The following LDB2 variants were observed in gnomAD, a reference collection of about 807,000 sequenced individuals.
The protein encoded by LDB2 is LIM domain binding 2, also known as LIM domain-binding protein 2.
Under a neutral mutation model 44.3 loss-of-function variants are expected in LDB2, and 12 were observed. The ratio of observed to expected loss-of-function variants is 0.27; its 90% CI spans 0.17 to 0.44. The LOEUF is 0.44. LDB2 is among the 20% of genes least tolerant of loss of function. The pLI, the probability that LDB2 is intolerant of heterozygous loss-of-function variation, is 1.00. For missense variants in LDB2, 344 were observed against 473.5 expected, an observed-to-expected ratio of 0.73 and a Z score of 2.54; for synonymous variants, 164 against 174.8, an observed-to-expected ratio of 0.94 and a Z score of 0.49.
chr4:16,588,673 A>G (rs1717859103), intron 4 of LDB2, 37 bp downstream of exon 4: 2 of 1,606,160 alleles, frequency 1.2e-6, no homozygotes, highest in Non-Finnish European at 1.7e-6. Flanking sequence ...GGAGGAAAAA[A>G]AAGAAAAGAA....
intron 1 of LDB2, among the ~76,000 whole-genome samples, chr4:16,860,004 C>T (rs1580290054): frequency 6.6e-6 from 1 of 152,284 alleles, no homozygotes; most frequent in East Asian, 1.9e-4. Flanking sequence ...CCATGCCAGT[C>T]ATGGAGATAG....
chr4:16,768,746 T>C (rs1430695689), intron 1 of LDB2, among the ~76,000 whole-genome samples: 1 of 152,154 alleles, frequency 6.6e-6, no homozygotes, highest in East Asian at 1.9e-4. Context: ...TTAATAATAA[T>C]AGTCAACAGT....
intron 2 of LDB2, among the ~76,000 whole-genome samples, chr4:16,626,476 C>T (rs1389480015): frequency 2.0e-5 from 3 of 152,328 alleles, no homozygotes; most frequent in East Asian, 3.9e-4. Context: ...CATATGTCAA[C>T]AACTTTGAAA....
At chr4:16,529,116 C>T (rs1729246504) in intron 5 of LDB2, among the ~76,000 whole-genome samples, 1 of 152,156 alleles carries the variant, frequency 6.6e-6, no homozygotes, top group Non-Finnish European at 1.5e-5. Flanking sequence ...GCCTTACCCC[C>T]GGCACCATTA....
chr4:16,670,332 C>T (rs1744391782), intron 2 of LDB2, among the ~76,000 whole-genome samples: 1 of 152,182 alleles, frequency 6.6e-6, no homozygotes, highest in African/African-American at 2.4e-5. Context: ...CTTTCTTCTG[C>T]TTCTGAAGAC....
At chr4:16,812,092 T>C (rs1464905744) in intron 1 of LDB2, among the ~76,000 whole-genome samples, 2 of 152,190 alleles carry the variant, frequency 1.3e-5, no homozygotes, top group Non-Finnish European at 2.9e-5. Flanking sequence ...TCCTTTATAA[T>C]TTCTCACTGT....
intron 1 of LDB2, among the ~76,000 whole-genome samples, chr4:16,871,562 T>A (rs909477419): frequency 6.6e-5 from 10 of 152,146 alleles, no homozygotes; most frequent in Non-Finnish European, 1.3e-4. Context: ...TTTCATTGTC[T>A]TCTTAATCAT....
chr4:16,755,663 C>T (rs1766479671), intron 2 of LDB2, among the ~76,000 whole-genome samples: 1 of 152,086 alleles, frequency 6.6e-6, no homozygotes, highest in African/African-American at 2.4e-5. Context: ...TTAGAAAGGA[C>T]CGTTTTTAGC....
chr4:16,570,562 G>A (rs2173848), intron 5 of LDB2, among the ~76,000 whole-genome samples: 7,668 of 140,700 alleles, frequency 0.054, 280 homozygotes, highest in East Asian at 0.22. Flanking sequence ...GTAAACTGAT[G>A]ATTATGTAAG....
intron 2 of LDB2, among the ~76,000 whole-genome samples, chr4:16,688,444 T>C (rs1286148897): frequency 6.6e-6 from 1 of 152,192 alleles, no homozygotes; most frequent in Non-Finnish European, 1.5e-5. Flanking sequence ...CCACTGTCCA[T>C]GCACTGGACA....
chr4:16,503,142 A>T (rs1717974645), intron 7 of LDB2: 1 of 1,534,944 alleles, frequency 6.5e-7, no homozygotes, highest in Admixed American at 2.0e-5. Context: ...CTGCAGAAAT[A>T]AAAAAATGTA....
chr4:16,709,390 G>A (rs1410880258), intron 2 of LDB2, among the ~76,000 whole-genome samples: 1 of 152,100 alleles, frequency 6.6e-6, no homozygotes, highest in Non-Finnish European at 1.5e-5. Flanking sequence ...TATGACCTAA[G>A]GGCCTCACTT....
intron 5 of LDB2, among the ~76,000 whole-genome samples, chr4:16,570,183 G>A (rs1745905686): frequency 6.6e-6 from 1 of 152,000 alleles, no homozygotes; most frequent in African/African-American, 2.4e-5. Context: ...GTTTACATCG[G>A]CTGGACACAG....
chr4:16,513,983 A>G (rs1231807699), intron 5 of LDB2, among the ~76,000 whole-genome samples: 1 of 152,176 alleles, frequency 6.6e-6, no homozygotes, highest in Non-Finnish European at 1.5e-5. Context: ...AGGTCATAAG[A>G]CCCACATTCC....
At chr4:16,757,652 A>G (rs1766951510) in intron 2 of LDB2, among the ~76,000 whole-genome samples, 1 of 152,188 alleles carries the variant, frequency 6.6e-6, no homozygotes, top group South Asian at 2.1e-4. Context: ...GTGGCTCAGG[A>G]TGGATGACTG....
intron 2 of LDB2, among the ~76,000 whole-genome samples, chr4:16,718,466 T>C (rs1244464954): frequency 1.3e-5 from 2 of 152,158 alleles, no homozygotes; most frequent in African/African-American, 4.8e-5. Flanking sequence ...TGATGACTTT[T>C]ACTCTTGCTG....
chr4:16,846,829 C>A lies in LDB2; in HGVS notation c.132+51525G>T, dbSNP rs572682679. On this transcript the variant is annotated intron_variant, in intron 1 of 7. Transcript: ENST00000304523. Reference sequence around the variant, plus strand: ...AGAGCAGGCAAAGAGTGCTTTGTCACAAAAATATATAATTTATTTCAACAA... The same window carrying A: ...AGAGCAGGCAAAGAGTGCTTTGTCAAAAAAATATATAATTTATTTCAACAA... Among the ~76,000 whole-genome samples the A allele has an allele frequency of 6.6e-5, 10 of 152,240 alleles. No homozygotes were observed. In the East Asian group the frequency reaches 1.5e-3, roughly 24 times the overall value.
chr4:16,766,539 T>G (rs1769332558), intron 1 of LDB2, among the ~76,000 whole-genome samples: 1 of 147,344 alleles, frequency 6.8e-6, no homozygotes, highest in Admixed American at 6.8e-5. Flanking sequence ...AGAATCTCGC[T>G]CTGTCACCGA....
At chr4:16,646,691 T>C (rs1039657061) in intron 2 of LDB2, among the ~76,000 whole-genome samples, 3 of 152,208 alleles carry the variant, frequency 2.0e-5, no homozygotes, top group African/African-American at 7.2e-5. Context: ...TTTGTCCTTG[T>C]AGGTACTGAG....
Sources: gnomAD v4.1 joint callset for allele counts (sites outside exome capture counted in the v4.1 genomes callset) on GRCh38, gnomAD v4.1.1 for gene constraint, MANE v1.5 for transcripts, NCBI Gene and HGNC (gene_info 2026-07-23, HGNC 2026-07-21) for gene names.